The following SLCO3A1 variants were observed in gnomAD, a reference collection of about 807,000 sequenced individuals.
SLCO3A1 encodes the protein solute carrier organic anion transporter family member 3A1.
Under a neutral mutation model 63.1 loss-of-function variants are expected in SLCO3A1, and 27 were observed. The observed-to-expected ratio is 0.43, with a 90% CI of 0.32 to 0.59. The LOEUF (loss-of-function observed/expected upper bound fraction) is 0.59. Ranked by LOEUF, SLCO3A1 falls within the 20% of genes least tolerant of loss-of-function variation. SLCO3A1 has a pLI of 0.09. For synonymous variants in SLCO3A1, 473 were observed against 409.9 expected, an observed-to-expected ratio of 1.15 and a Z score of -1.86; for missense variants, 773 against 945.8, an observed-to-expected ratio of 0.82 and a Z score of 2.40.
chr15:91,955,215 G>A (rs1900130528), intron 2 of SLCO3A1, among the ~76,000 whole-genome samples: 1 of 152,144 alleles, frequency 6.6e-6, no homozygotes, highest in African/African-American at 2.4e-5. Flanking sequence ...GTTAAACACT[G>A]CACACAAGGC....
chr15:92,168,511 G>T (rs750988000), downstream of SLCO3A1, among the ~76,000 whole-genome samples: 4 of 152,154 alleles, frequency 2.6e-5, no homozygotes, highest in Non-Finnish European at 5.9e-5. Context: ...AAAGACCGTC[G>T]GTGACTGAGG....
intron 2 of SLCO3A1, among the ~76,000 whole-genome samples, chr15:92,017,291 G>GGA (rs879905883): frequency 2.0e-5 from 3 of 152,060 alleles, no homozygotes; most frequent in Non-Finnish European, 2.9e-5. Flanking sequence ...GGATTGGGGG[G>GGA]GGGTAGGGAA....
intron 2 of SLCO3A1, among the ~76,000 whole-genome samples, chr15:92,020,474 A>T (rs1016210633): frequency 3.3e-5 from 5 of 152,258 alleles, no homozygotes; most frequent in African/African-American, 1.2e-4. Flanking sequence ...GAAAGTGAAA[A>T]AATACATCCC....
chr15:91,888,295 G>T (rs1320067826), intron 1 of SLCO3A1, among the ~76,000 whole-genome samples: 1 of 152,292 alleles, frequency 6.6e-6, no homozygotes, highest in Middle Eastern at 3.4e-3. Flanking sequence ...AGACTGGCCC[G>T]TCGAATCAGT....
rs77908493 is a variant in SLCO3A1 at position 92,141,203 on chromosome 15, G to A, written c.1513-5781G>A. Among the ~76,000 whole-genome samples the A allele has an allele frequency of 4.3e-4, 66 of 152,326 alleles. 1 individual carries two copies. The highest frequency in any genetic ancestry group is 1.4e-3 in the African/African-American group (57 of 41,560). On this transcript the variant is annotated intron_variant, in intron 7 of 9. Coordinates refer to ENST00000318445, the MANE Select transcript of SLCO3A1 (RefSeq NM_013272.4). ...ATTCACCTCTCGCAGAGGCAGCAGG[G>A]ACTGCATTTCTTCCCAGAGAATGGC... is the stretch of plus-strand genomic sequence containing the variant.
intron 2 of SLCO3A1, among the ~76,000 whole-genome samples, chr15:92,075,962 C>T (rs901653763): frequency 3.9e-5 from 6 of 152,212 alleles, no homozygotes; most frequent in African/African-American, 1.4e-4. Context: ...CAGAAAACTG[C>T]AGAGGAAATG....
In SLCO3A1 at chr15:91,862,055, A is replaced by G. The variant is rs1340232944; in HGVS notation, c.180+7967A>G. Among the ~76,000 whole-genome samples, 1 of 151,440 alleles carries G rather than the reference A, an allele frequency of 6.6e-6. No individual in the cohort carries two copies. Among genetic ancestry groups the G allele is most frequent in the Non-Finnish European group, 1.5e-5 (1 of 67,876 alleles). On this transcript the variant is annotated intron_variant, in intron 1 of 9. Transcript: ENST00000318445. The surrounding 1 kb of genome is among the most constrained non-coding windows in gnomAD (Gnocchi z 4.0). ...AATACCCCTGCCATGACTTTTCAGT[A>G]CTCTCCTTTTCATGGACGTAATAGT...
chr15:91,977,703 A>G (rs148961313), intron 2 of SLCO3A1, among the ~76,000 whole-genome samples: 1 of 152,186 alleles, frequency 6.6e-6, no homozygotes, highest in Non-Finnish European at 1.5e-5. Context: ...CTCAGACACC[A>G]CCACTAAAGA....
Position 92,126,123 on chromosome 15 carries a change from C to G in SLCO3A1, c.1237C>G (p.Leu413Val). Residue 413 changes from leucine (L) to valine (V), a missense_variant, in exon 6 of 10, where the codon CTC (leucine) becomes GTC (valine). Physicochemically the swap from Leu to Val is conservative, Grantham distance 32. Around this residue, in one of 3 missense-constraint regions of SLCO3A1, gnomAD observed 565 missense variants for 749.8 expected, o/e 0.75. Transcript: ENST00000318445. ...IFLGGLLVKK[L>V]SLSALGAIRM... Reference sequence around the variant, plus strand: ...CCTGGGAGGTCTTTTGGTGAAGAAGCTCAGCCTGTCTGCCCTGGGGGCCAT... The same window carrying G: ...CCTGGGAGGTCTTTTGGTGAAGAAGGTCAGCCTGTCTGCCCTGGGGGCCAT... 1.2e-6 allele frequency: 2 copies of G among 1,613,664 alleles called. No individual in the cohort carries two copies. The highest frequency in any genetic ancestry group is 1.7e-6 in the Non-Finnish European group (2 of 1,179,940).
At chr15:91,958,034 A>G (rs1046666449) in intron 2 of SLCO3A1, among the ~76,000 whole-genome samples, 4 of 152,194 alleles carry the variant, frequency 2.6e-5, no homozygotes, top group East Asian at 1.9e-4. Flanking sequence ...ATTTTTTTCA[A>G]TAAATATATT....
chr15:91,950,468 A>G lies in SLCO3A1; in HGVS notation c.646+34010A>G, dbSNP rs1469433017. 6.6e-6 allele frequency among the ~76,000 whole-genome samples: 1 copy of G among 152,242 alleles called. No homozygotes were observed. Among genetic ancestry groups the G allele is most frequent in the Admixed American group, 6.5e-5 (1 of 15,288 alleles). On this transcript the variant is annotated intron_variant, in intron 2 of 9. Transcript: ENST00000318445. The surrounding 1 kb of genome is among the most constrained non-coding windows in gnomAD (Gnocchi z 4.4). ...GTCCCGGTGGGTTATTAGGAAGGGC[A>G]GATGAGCCCCTGCAGGGGAACGTTG...
chr15:92,012,400 G>T (rs1212065007), intron 2 of SLCO3A1, among the ~76,000 whole-genome samples: 1 of 152,122 alleles, frequency 6.6e-6, no homozygotes, highest in East Asian at 1.9e-4. Context: ...CCACAGTTCT[G>T]GGAATTTAGT....
chr15:91,905,626 G>GT (rs76429156), intron 1 of SLCO3A1, among the ~76,000 whole-genome samples: 1 of 112,498 alleles, frequency 8.9e-6, no homozygotes, highest in African/African-American at 3.5e-5. Context: ...GGGATGCTTA[G>GT]TTTTTTGTTT....
At chr15:91,898,999 T>C (rs908931482) in intron 1 of SLCO3A1, among the ~76,000 whole-genome samples, 1 of 151,492 alleles carries the variant, frequency 6.6e-6, no homozygotes, top group Non-Finnish European at 1.5e-5. Flanking sequence ...CCAAGTGCCA[T>C]ATGGGAAGGA....
rs79295905 is a variant in SLCO3A1 at position 91,871,730 on chromosome 15, A to T, written c.180+17642A>T. ...TATTTCCCAGGCACCTTTTGACTTTATGACACTGGGGTGTGCTCATTTTGT... is the reference window on the plus strand; with the variant it reads ...TATTTCCCAGGCACCTTTTGACTTTTTGACACTGGGGTGTGCTCATTTTGT... On this transcript the variant is annotated intron_variant, in intron 1 of 9. Transcript: ENST00000318445. Among the ~76,000 whole-genome samples, 862 of 89,322 alleles carry T rather than the reference A, an allele frequency of 9.7e-3. 9 individuals carry two copies. The highest frequency in any genetic ancestry group is 0.037 in the African/African-American group (817 of 22,106). The allele number at this position is 89,322 out of a possible 152,430, so 58.6% of individuals were successfully genotyped here. A position where few individuals can be genotyped will look rare whatever the true frequency, so the allele number is the denominator to read the frequency against.
chr15:92,068,194 G>A lies in SLCO3A1; in HGVS notation c.647-26687G>A, dbSNP rs539261359. On this transcript the variant is annotated intron_variant, in intron 2 of 9. Coordinates refer to ENST00000318445, the MANE Select transcript of SLCO3A1 (RefSeq NM_013272.4). ...TGGTGCAGGCGTGATAGAGCGGCACGAAGCTATTTGTGTCTTTCATAATTA... is the reference window on the plus strand; with the variant it reads ...TGGTGCAGGCGTGATAGAGCGGCACAAAGCTATTTGTGTCTTTCATAATTA... Among the ~76,000 whole-genome samples, 8 of 152,316 alleles carry A rather than the reference G, an allele frequency of 5.3e-5. No individual in the cohort carries two copies. In the East Asian group the frequency reaches 9.6e-4, roughly 18 times the overall value.
chr15:92,099,988 C>T (rs2047585040), intron 3 of SLCO3A1, among the ~76,000 whole-genome samples: 1 of 151,824 alleles, frequency 6.6e-6, no homozygotes, highest in East Asian at 1.9e-4. Context: ...ATTGCTTGAA[C>T]CCAGGAGGTG....
intron 2 of SLCO3A1, among the ~76,000 whole-genome samples, chr15:91,932,300 A>C (rs920075147): frequency 3.2e-4 from 49 of 152,236 alleles, no homozygotes; most frequent in African/African-American, 1.1e-3. Context: ...AACATATTCA[A>C]AATTAAAAAG....
chr15:92,043,538 T>G (rs2046823792), intron 2 of SLCO3A1, among the ~76,000 whole-genome samples: 1 of 152,234 alleles, frequency 6.6e-6, no homozygotes, highest in Non-Finnish European at 1.5e-5. Context: ...CCCCAGAGCC[T>G]AAACATGCTT....
Sources: gnomAD v4.1 joint callset for allele counts (sites outside exome capture counted in the v4.1 genomes callset) on GRCh38, gnomAD v4.1.1 for gene constraint, gnomAD v4.1.1 regional missense constraint, Gnocchi (gnomAD v3.1) non-coding constraint, MANE v1.5 for transcripts, NCBI Gene and HGNC (gene_info 2026-07-23, HGNC 2026-07-21) for gene names.